The following PRKDC variants were observed in gnomAD, a reference collection of about 807,000 sequenced individuals.
PRKDC encodes the protein DNA-dependent protein kinase catalytic subunit.
A neutral mutation model predicts 486.9 loss-of-function variants in PRKDC; 82 were observed. That is an observed-to-expected ratio of 0.17 (90% confidence interval 0.14 to 0.20). The LOEUF (loss-of-function observed/expected upper bound fraction) is 0.20. Ranked by LOEUF, PRKDC falls within the 10% of genes least tolerant of loss-of-function variation. The pLI is 1.00. For missense variants in PRKDC, 4,504 were observed against 5,038.2 expected (o/e 0.89, Z 3.21); for synonymous variants, 1,895 against 1,837.0 (o/e 1.03, Z -0.81).
intron 66 of PRKDC, among the ~76,000 whole-genome samples, chr8:47,820,440 A>G (rs1453334112): frequency 6.6e-6 from 1 of 152,088 alleles, no homozygotes; most frequent in Non-Finnish European, 1.5e-5. Context: ...AGTATGAGAA[A>G]GGTAACAAAA....
At chr8:47,778,840 C>A (rs2086651729) in intron 81 of PRKDC, 41 bp from the exon 82 acceptor site, 3 of 1,566,146 alleles carry the variant, frequency 1.9e-6, no homozygotes, top group Admixed American at 1.9e-5. Flanking sequence ...GAAAAAATTT[C>A]TCTGACTTAA....
Position 47,805,578 on chromosome 8 carries a change from A to G in PRKDC, c.9747+1559T>C, listed in dbSNP as rs528346749. The stretch of plus-strand genomic sequence containing the variant: ...ATCAGGAAATAGTTTCTCCCATTAC[A>G]TGAGTTGTCTTTATACATTCTTCAG... On this transcript the variant is annotated intron_variant, in intron 69 of 85. Coordinates refer to ENST00000314191, the MANE Select transcript of PRKDC (RefSeq NM_006904.7). 1.1e-3 allele frequency among the ~76,000 whole-genome samples: 171 copies of G among 152,326 alleles called. 5 individuals are homozygous for G. In the South Asian group the frequency reaches 0.033, roughly 29 times the overall value.
At chr8:47,795,268 C>A (rs1415471972) in intron 73 of PRKDC, among the ~76,000 whole-genome samples, 3 of 150,704 alleles carry the variant, frequency 2.0e-5, no homozygotes, top group Non-Finnish European at 4.4e-5. Context: ...CGGCTCACTG[C>A]AAGCTCCGCC....
intron 81 of PRKDC, 90 bp from the exon 82 acceptor site, chr8:47,778,889 A>C: frequency 6.8e-7 from 1 of 1,464,302 alleles, no homozygotes; most frequent in South Asian, 1.3e-5. Flanking sequence ...ATTGAGACTC[A>C]AATATCGAAT....
intron 67 of PRKDC, among the ~76,000 whole-genome samples, chr8:47,818,670 G>A (rs976992505): frequency 8.0e-5 from 12 of 150,564 alleles, no homozygotes; most frequent in East Asian, 3.9e-4. Flanking sequence ...TAAATGATAC[G>A]TCATTAATAT....
Position 47,933,953 on chromosome 8 carries a change from G to A in PRKDC, c.1623+12C>T. On this transcript the variant is annotated intron_variant, in intron 15 of 85. Coordinates refer to ENST00000314191, the MANE Select transcript of PRKDC (RefSeq NM_006904.7). ...GTAAGGTACATTTATGGCTTTCAATGGTAAATGTTACCATCATCTGGTCAG... is the reference window on the plus strand; with the variant it reads ...GTAAGGTACATTTATGGCTTTCAATAGTAAATGTTACCATCATCTGGTCAG... 4 of 1,605,610 alleles carry A rather than the reference G, an allele frequency of 2.5e-6. No individual in the cohort carries two copies. Among genetic ancestry groups the A allele is most frequent in the African/African-American group, 1.3e-5 (1 of 74,890 alleles).
rs72647907 is a variant in PRKDC at position 47,844,076 on chromosome 8, C to T, written c.7281-3887G>A. 3.9e-3 allele frequency among the ~76,000 whole-genome samples: 601 copies of T among 152,300 alleles called. 1 individual carries two copies. The highest frequency in any genetic ancestry group is 6.6e-3 in the Non-Finnish European group (449 of 68,020). On this transcript the variant is annotated intron_variant, in intron 54 of 85. Transcript: ENST00000314191. ...ACCTTGAATGTAAATGGTCTAAAGG[C>T]CCCTCTTAAAAGCCACGCAGTGGCA...
chr8:47,826,590 A>G, intron 63 of PRKDC, 66 bp downstream of exon 63: 1 of 1,465,764 alleles, frequency 6.8e-7, no homozygotes, highest in Non-Finnish European at 9.2e-7. Context: ...AAATGAAGCC[A>G]AGTGTTTTCC....
chr8:47,845,870 C>T (rs1217139354), intron 54 of PRKDC, among the ~76,000 whole-genome samples: 1 of 152,036 alleles, frequency 6.6e-6, no homozygotes, highest in Non-Finnish European at 1.5e-5. Context: ...TCTGGCAGGA[C>T]ACAATGAAAA....
At chr8:47,781,155 A>AC (rs1345212531) in intron 80 of PRKDC, among the ~76,000 whole-genome samples, 1 of 152,160 alleles carries the variant, frequency 6.6e-6, no homozygotes, top group Non-Finnish European at 1.5e-5. Context: ...AGGAAAGGCG[A>AC]CACCTGCTTG....
intron 68 of PRKDC, among the ~76,000 whole-genome samples, chr8:47,816,165 G>T (rs1005550358): frequency 6.6e-6 from 1 of 151,774 alleles, no homozygotes; most frequent in Non-Finnish European, 1.5e-5. Flanking sequence ...AGTGAGCTGA[G>T]ATTGTGCCAC....
chr8:47,858,941 T>G lies in PRKDC; in HGVS notation c.6253A>C (p.Met2085Leu). 6.2e-7 allele frequency: 1 copy of G among 1,613,678 alleles called. No individual in the cohort carries two copies. The highest frequency in any genetic ancestry group is 8.5e-7 in the Non-Finnish European group (1 of 1,179,884). ...CACTCATGCCGATTGAGCTCGTCCA[T>G]CTCCAGCTCCAGCACATCATCATGC... ...TVHDDVLELE[M>L]DELNRHECMA... Residue 2085 changes from methionine to leucine, a missense_variant, in exon 47 of 86, where the codon ATG (methionine) becomes CTG (leucine). Met to Leu is a conservative substitution (Grantham distance 15). Transcript: ENST00000314191.
Position 47,881,431 on chromosome 8 carries a change from C to G in PRKDC, c.5052G>C (p.Leu1684=), listed in dbSNP as rs544805536. 12 of 1,544,302 alleles carry G rather than the reference C, an allele frequency of 7.8e-6. No individual in the cohort carries two copies. The South Asian group carries it at 1.3e-4, about 16-fold the overall frequency. Residue 1684 remains leucine (L), a synonymous_variant, in exon 38 of 86, where the codon CTG becomes CTC. Transcript: ENST00000314191. ...CACTGTTTACCTTTAAATGTAGATC[C>G]AGCTTTGTGTCAGCAAGTAGACTAA... ...TYISLLADTK[L]DLHLKGQAVT...
chr8:47,864,241 G>A (rs1454497092), intron 41 of PRKDC, among the ~76,000 whole-genome samples: 1 of 152,122 alleles, frequency 6.6e-6, no homozygotes. Context: ...AAGCAATGCT[G>A]GCAGCCCCTA....
rs1266172350 is a variant in PRKDC, at chr8:47,821,762, C to T, written c.8953G>A (p.Glu2985Lys). The T allele has an allele frequency of 6.3e-7, 1 of 1,588,570 alleles. No individual in the cohort carries two copies. The highest frequency in any genetic ancestry group is 1.2e-5 in the South Asian group (1 of 85,598). The change falls in exon 65 of 86, where the codon GAG becomes AAG. Residue 2985 changes from glutamate to lysine, a missense_variant. By Grantham distance (56) the Glu-to-Lys change is moderately conservative. Coordinates refer to ENST00000314191, the MANE Select transcript of PRKDC (RefSeq NM_006904.7). Reference protein sequence around the residue: ...ALNKQDWVDGEPTEAEKDFWE... With the variant: ...ALNKQDWVDGKPTEAEKDFWE... ...AAATCCTTCTCGGCTTCTGTGGGCT[C>T]ACCATCTACCCAGTCTTGTTTATTG...
rs774655889 is a variant in PRKDC, at chr8:47,888,537, T to C, written c.4394A>G (p.His1465Arg). ...CKQLHRAGLL[H>R]NILPSQSTDL... ...AGTTACCTGAGACGGTAATATATTATGCAGAAGCCCAGCTCTGTGAAGCTG... is the reference window on the plus strand; with the variant it reads ...AGTTACCTGAGACGGTAATATATTACGCAGAAGCCCAGCTCTGTGAAGCTG... Residue 1465 changes from histidine to arginine, a missense_variant, in exon 34 of 86, where the codon CAT becomes CGT. Transcript: ENST00000314191. 36 of 1,571,024 alleles carry C rather than the reference T, an allele frequency of 2.3e-5. 1 individual carries two copies. In the Admixed American group the frequency reaches 6.7e-4, roughly 29 times the overall value.
intron 44 of PRKDC, 34 bp downstream of exon 44, chr8:47,862,028 A>AT: frequency 1.3e-6 from 2 of 1,499,014 alleles, no homozygotes; most frequent in Non-Finnish European, 1.8e-6. Context: ...TGAGCACTTG[A>AT]TAAGTTTTTT....
At chr8:47,914,305 C>T (rs902289139) in intron 23 of PRKDC, among the ~76,000 whole-genome samples, 12 of 151,840 alleles carry the variant, frequency 7.9e-5, no homozygotes, top group African/African-American at 2.9e-4. Context: ...GTTTAATATC[C>T]AAATTCAGTA....
chr8:47,859,866 G>T, intron 45 of PRKDC, 107 bp from the exon 46 acceptor site: 1 of 1,170,442 alleles, frequency 8.5e-7, no homozygotes, highest in Non-Finnish European at 1.2e-6. Flanking sequence ...TTTAATCTAA[G>T]GTTTTCATCA....
Sources: allele counts gnomAD v4.1 joint callset (sites outside exome capture counted in the v4.1 genomes callset), GRCh38; gene constraint gnomAD v4.1.1; transcripts MANE v1.5; gene names NCBI Gene and HGNC (gene_info 2026-07-23, HGNC 2026-07-21).